The following FRYL variants were observed in gnomAD, a reference collection of about 807,000 sequenced individuals.
FRYL encodes protein furry homolog-like.
In FRYL, 150 loss-of-function variants were observed where a neutral mutation model predicts 351.2. The ratio of observed to expected loss-of-function variants is 0.43; its 90% confidence interval spans 0.37 to 0.49. The LOEUF (loss-of-function observed/expected upper bound fraction) is 0.49. Ranked by LOEUF, FRYL falls within the 20% of genes least tolerant of loss-of-function variation. FRYL has a pLI of 0.00. For synonymous variants in FRYL, 1,153 were observed against 1,257.1 expected (o/e 0.92, Z 1.75); for missense variants, 3,036 against 3,619.3 (o/e 0.84, Z 4.13).
At chr4:48,524,159 C>T (rs1725481134) in intron 53 of FRYL, among the ~76,000 whole-genome samples, 1 of 151,754 alleles carries the variant, frequency 6.6e-6, no homozygotes, top group Non-Finnish European at 1.5e-5. Context: ...CAGGAATTGT[C>T]CAGATTAGAA....
intron 3 of FRYL, among the ~76,000 whole-genome samples, chr4:48,681,696 C>T (rs1764632199): frequency 1.3e-5 from 2 of 151,978 alleles, no homozygotes; most frequent in African/African-American, 4.8e-5. Flanking sequence ...AAAAAAACTC[C>T]CTATTACAAT....
intron 3 of FRYL, among the ~76,000 whole-genome samples, chr4:48,658,773 T>C (rs200476821): frequency 2.6e-5 from 3 of 114,322 alleles, no homozygotes; most frequent in Non-Finnish European, 5.6e-5. Context: ...AATAAATAAA[T>C]AAGAAAATCA....
intron 1 of FRYL, among the ~76,000 whole-genome samples, chr4:48,760,138 C>G (rs905414647): frequency 1.1e-4 from 17 of 151,946 alleles, no homozygotes; most frequent in Non-Finnish European, 1.9e-4. Flanking sequence ...GAGACTCCAC[C>G]CTTCATCAGT....
At chr4:48,517,883 T>TTGTCAAAATTAA (rs1723985082) in intron 55 of FRYL, among the ~76,000 whole-genome samples, 1 of 152,224 alleles carries the variant, frequency 6.6e-6, no homozygotes, top group African/African-American at 2.4e-5. Flanking sequence ...AATTATATTC[T>TTGTCAAAATTAA]TTGTCTTAAG....
intron 22 of FRYL, among the ~76,000 whole-genome samples, chr4:48,580,067 G>GC (rs1192208424): frequency 1.9e-4 from 1 of 5,224 alleles, no homozygotes; most frequent in Admixed American, 3.9e-3. Context: ...TAGCATCATG[G>GC]CGGGGGGGAA....
intron 1 of FRYL, among the ~76,000 whole-genome samples, chr4:48,743,180 A>G (rs1198827385): frequency 6.6e-6 from 1 of 151,962 alleles, no homozygotes; most frequent in Non-Finnish European, 1.5e-5. Context: ...ATGCTAATCT[A>G]TTATGTAATC....
Position 48,620,554 on chromosome 4 carries a change from C to T in FRYL, c.314+85G>A, listed in dbSNP as rs1750453235. The T allele has an allele frequency of 4.3e-6, 6 of 1,387,928 alleles. No homozygotes were observed. In the South Asian group the frequency reaches 5.5e-5, roughly 13 times the overall value. 86.0% of individuals were successfully genotyped at this position (1,387,928 alleles called of 1,614,324 possible). On this transcript the variant is annotated intron_variant, in intron 6 of 63. Transcript: ENST00000358350. ...CAACGCAGTTTGCTTAGGAATCAAA[C>T]AATAACAACCTTCAGTTGATAATAT...
intron 3 of FRYL, among the ~76,000 whole-genome samples, chr4:48,681,470 T>C (rs1358826450): frequency 6.6e-6 from 1 of 152,184 alleles, no homozygotes; most frequent in Non-Finnish European, 1.5e-5. Flanking sequence ...ACTGTGATCA[T>C]GTAAAGAGAA....
In FRYL at chr4:48,576,438, G is replaced by A. The variant is rs368864304; in HGVS notation, c.2529-216C>T. On this transcript the variant is annotated intron_variant, in intron 23 of 63. Coordinates refer to ENST00000358350, the MANE Select transcript of FRYL (RefSeq NM_015030.2). ...TCCCACCTCAGCCTCCAGAGTAGCTGGGACTACAGGTGTGTGCCATCACGC... is the reference window on the plus strand; with the variant it reads ...TCCCACCTCAGCCTCCAGAGTAGCTAGGACTACAGGTGTGTGCCATCACGC... Among the ~76,000 whole-genome samples, 212 of 151,852 alleles carry A rather than the reference G, an allele frequency of 1.4e-3. 1 individual carries two copies. The highest frequency in any genetic ancestry group is 4.6e-3 in the African/African-American group (189 of 41,374).
At chr4:48,667,372 A>G (rs538565307) in intron 3 of FRYL, among the ~76,000 whole-genome samples, 2 of 152,074 alleles carry the variant, frequency 1.3e-5, no homozygotes, top group African/African-American at 4.8e-5. Flanking sequence ...TGTTATCTCT[A>G]AAAAATAAAA....
rs184944631 is a variant in FRYL, at chr4:48,718,457, C to T, written c.-383-7759G>A. On this transcript the variant is annotated intron_variant, in intron 1 of 63. Transcript: ENST00000358350. ...ACCCAACTGCAGGTATATTATATAG[C>T]CAATATTGTTTAAGAGAACTTCTAC... Among the ~76,000 whole-genome samples the T allele has an allele frequency of 8.6e-5, 13 of 151,410 alleles. No individual in the cohort carries two copies. The Admixed American group carries it at 8.6e-4, about 10-fold the overall frequency.
At chr4:48,592,082 T>TAATATATATATATATATATATATATA (rs888017807) in intron 16 of FRYL, among the ~76,000 whole-genome samples, 2 of 116,178 alleles carry the variant, frequency 1.7e-5, no homozygotes, top group African/African-American at 9.0e-5. Context: ...AATAAAGCTC[T>TAATATATATATATATATATATATATA]TATATATATA....
intron 26 of FRYL, among the ~76,000 whole-genome samples, chr4:48,572,784 C>G (rs1226090942): frequency 6.6e-6 from 1 of 152,166 alleles, no homozygotes; most frequent in South Asian, 2.1e-4. Flanking sequence ...CAAATCTGGC[C>G]CACTGCTACC....
intron 1 of FRYL, among the ~76,000 whole-genome samples, chr4:48,751,624 T>C (rs1008361340): frequency 5.3e-5 from 8 of 151,960 alleles, no homozygotes; most frequent in African/African-American, 1.9e-4. Flanking sequence ...GAATAGACAA[T>C]AATTCATCCC....
chr4:48,656,343 A>AATAT (rs1759058212), intron 3 of FRYL, among the ~76,000 whole-genome samples: 1 of 134,534 alleles, frequency 7.4e-6, no homozygotes, highest in Non-Finnish European at 1.5e-5. Context: ...TATATTATAT[A>AATAT]ATATATACTA....
chr4:48,586,379 G>A (rs1485791809), intron 19 of FRYL, among the ~76,000 whole-genome samples: 1 of 151,718 alleles, frequency 6.6e-6, no homozygotes, highest in African/African-American at 2.4e-5. Flanking sequence ...GGAAAAATAG[G>A]GAACTGAAAG....
chr4:48,506,382 A>T (rs897893527), intron 59 of FRYL: 3 of 150,184 alleles, frequency 2.0e-5, no homozygotes, highest in African/African-American at 4.9e-5. Flanking sequence ...AACATAAAAT[A>T]AAAAAAAAGG....
intron 3 of FRYL, among the ~76,000 whole-genome samples, chr4:48,659,983 A>AAGCAGC (rs760892980): frequency 2.3e-4 from 34 of 148,840 alleles, no homozygotes; most frequent in Admixed American, 3.4e-4. Context: ...GAGGAGGAGG[A>AAGCAGC]AGCAGCAGCA....
intron 3 of FRYL, among the ~76,000 whole-genome samples, chr4:48,659,997 G>A: frequency 6.6e-6 from 1 of 151,464 alleles, no homozygotes; most frequent in Non-Finnish European, 1.5e-5. Context: ...AGCAGCAGCA[G>A]CAGCAGCAGG....
Sources: gnomAD v4.1 joint callset for allele counts (sites outside exome capture counted in the v4.1 genomes callset) on GRCh38, gnomAD v4.1.1 for gene constraint, MANE v1.5 for transcripts, NCBI Gene and HGNC (gene_info 2026-07-23, HGNC 2026-07-21) for gene names.